CFAP299: variants seen among roughly 807,000 people sequenced by gnomAD.
The protein encoded by CFAP299 is cilia and flagella associated protein 299, also known as cilia- and flagella-associated protein 299.
A neutral mutation model predicts 27.0 loss-of-function variants in CFAP299; 21 were observed. The observed-to-expected ratio is 0.78, with a 90% confidence interval of 0.55 to 1.12. The LOEUF (loss-of-function observed/expected upper bound fraction) is 1.12. Ranked by LOEUF, CFAP299 falls within the 50% of genes most tolerant of loss-of-function variation. The pLI is 0.00. For missense variants in CFAP299, 310 were observed against 276.6 expected, an observed-to-expected ratio of 1.12 and a Z score of -0.86; for synonymous variants, 104 against 98.1, an observed-to-expected ratio of 1.06 and a Z score of -0.36.
intron 4 of CFAP299, among the ~76,000 whole-genome samples, chr4:80,941,451 A>G (rs964168817): frequency 3.3e-5 from 5 of 152,328 alleles, no homozygotes; most frequent in African/African-American, 9.6e-5. Context: ...ACTGCATACT[A>G]GTTAAATGCT....
At chr4:80,753,883 A>AC (rs1286306301) in intron 3 of CFAP299, among the ~76,000 whole-genome samples, 1 of 152,058 alleles carries the variant, frequency 6.6e-6, no homozygotes, top group Non-Finnish European at 1.5e-5. Flanking sequence ...TGCTAAAATT[A>AC]CCCCCCTAAA....
At chr4:80,699,889 G>A (rs17004975) in intron 3 of CFAP299, among the ~76,000 whole-genome samples, 6,942 of 152,196 alleles carry the variant, frequency 0.046, 552 homozygotes, top group African/African-American at 0.16. Flanking sequence ...TGTGAATATC[G>A]TTGAAGCAGG....
In CFAP299 at chr4:80,542,926, C is replaced by T. The variant is rs373498367; in HGVS notation, c.243-40167C>T. ...CCTGCTGCCCCTGCTGGAGCACTTACGCCCACAACCAAGCATCCCCCACCA... is the reference window on the plus strand; with the variant it reads ...CCTGCTGCCCCTGCTGGAGCACTTATGCCCACAACCAAGCATCCCCCACCA... On this transcript the variant is annotated intron_variant, in intron 2 of 5. Transcript: ENST00000358105. 3.0e-4 allele frequency among the ~76,000 whole-genome samples: 46 copies of T among 152,176 alleles called. No homozygotes were observed. The South Asian group carries it at 7.9e-3, about 26-fold the overall frequency.
intron 3 of CFAP299, among the ~76,000 whole-genome samples, chr4:80,822,110 A>C (rs1729740773): frequency 6.6e-6 from 1 of 152,198 alleles, no homozygotes; most frequent in African/African-American, 2.4e-5. Context: ...AACTTCATGC[A>C]AGCCTTTGCA....
chr4:80,705,921 A>T (rs1046246081), intron 3 of CFAP299, among the ~76,000 whole-genome samples: 1 of 151,858 alleles, frequency 6.6e-6, no homozygotes, highest in Non-Finnish European at 1.5e-5. Flanking sequence ...AAAAATAATG[A>T]GTGTGTTTTA....
chr4:80,460,768 C>T (rs1384424587), intron 2 of CFAP299, among the ~76,000 whole-genome samples: 1 of 152,244 alleles, frequency 6.6e-6, no homozygotes, highest in African/African-American at 2.4e-5. Flanking sequence ...GAAATTCACA[C>T]GATTATGTGG....
At chr4:80,462,437 A>G (rs1457730643) in intron 2 of CFAP299, among the ~76,000 whole-genome samples, 1 of 152,062 alleles carries the variant, frequency 6.6e-6, no homozygotes, top group Non-Finnish European at 1.5e-5. Context: ...GTCAACAAAG[A>G]CTTTGTAGTT....
intron 3 of CFAP299, among the ~76,000 whole-genome samples, chr4:80,616,022 CAG>C (rs1363894777): frequency 6.6e-6 from 1 of 152,202 alleles, no homozygotes; most frequent in Non-Finnish European, 1.5e-5. Flanking sequence ...TCTAAGAAAA[CAG>C]AACTCTCTCC....
intron 3 of CFAP299, among the ~76,000 whole-genome samples, chr4:80,601,558 T>G (rs1401824430): frequency 6.6e-5 from 10 of 152,368 alleles, no homozygotes; most frequent in Non-Finnish European, 1.3e-4. Flanking sequence ...ACTGGAATGA[T>G]GGCTTAGTGT....
intron 3 of CFAP299, among the ~76,000 whole-genome samples, chr4:80,698,764 A>G (rs1382427768): frequency 6.6e-6 from 1 of 152,250 alleles, no homozygotes; most frequent in African/African-American, 2.4e-5. Context: ...ACATGGCAGC[A>G]GGCCAAGAGA....
At chr4:80,477,029 T>C (rs1578489754) in intron 2 of CFAP299, among the ~76,000 whole-genome samples, 1 of 152,060 alleles carries the variant, frequency 6.6e-6, no homozygotes, top group East Asian at 1.9e-4. Context: ...GTCTTTAGAC[T>C]GTATCTTCTA....
chr4:80,663,920 C>T (rs187656650), intron 3 of CFAP299, among the ~76,000 whole-genome samples: 102 of 152,038 alleles, frequency 6.7e-4, no homozygotes, highest in Admixed American at 2.9e-3. Flanking sequence ...GTTTGTTGGC[C>T]GCATAATGTC....
At chr4:80,565,979 G>C (rs1735264581) in intron 2 of CFAP299, among the ~76,000 whole-genome samples, 1 of 151,988 alleles carries the variant, frequency 6.6e-6, no homozygotes, top group Admixed American at 6.6e-5. Context: ...TGATGCATTT[G>C]CACCCTCATG....
intron 2 of CFAP299, among the ~76,000 whole-genome samples, chr4:80,399,533 C>T (rs533676594): frequency 1.3e-5 from 2 of 152,090 alleles, no homozygotes; most frequent in Non-Finnish European, 2.9e-5. Flanking sequence ...GAGTTCATGT[C>T]CTTTGTAGGG....
intron 4 of CFAP299, among the ~76,000 whole-genome samples, chr4:80,896,696 T>A (rs1734626616): frequency 6.6e-6 from 1 of 152,188 alleles, no homozygotes; most frequent in Non-Finnish European, 1.5e-5. Flanking sequence ...GACTTACATT[T>A]TGTAGTTTAT....
At chr4:80,873,183 GT>G (rs1168600589) in intron 4 of CFAP299, 1 of 193,114 alleles carries the variant, frequency 5.2e-6, no homozygotes, top group African/African-American at 2.4e-5. Context: ...GGTGTATGAA[GT>G]TCCATACTTA....
At chr4:80,800,236 A>G (rs1311554585) in intron 3 of CFAP299, among the ~76,000 whole-genome samples, 26 of 66,578 alleles carry the variant, frequency 3.9e-4, no homozygotes, top group African/African-American at 1.6e-3. Context: ...TATAATAAAT[A>G]ATATAATATA....
intron 2 of CFAP299, among the ~76,000 whole-genome samples, chr4:80,377,628 C>A (rs996722129): frequency 6.6e-6 from 1 of 151,832 alleles, no homozygotes; most frequent in Non-Finnish European, 1.5e-5. Context: ...TAGAAATCAT[C>A]TTGTTGATTC....
chr4:80,834,970 A>AAAGT (rs1201065544), intron 3 of CFAP299, among the ~76,000 whole-genome samples: 3 of 152,168 alleles, frequency 2.0e-5, no homozygotes, highest in Non-Finnish European at 4.4e-5. Context: ...TTTATTCCTT[A>AAAGT]AAGTAGAAAG....
Sources: gnomAD v4.1 joint callset for allele counts (sites outside exome capture counted in the v4.1 genomes callset) on GRCh38, gnomAD v4.1.1 for gene constraint, MANE v1.5 for transcripts, NCBI Gene and HGNC (gene_info 2026-07-23, HGNC 2026-07-21) for gene names.